The following CACNA1D variants were observed in gnomAD, a reference collection of about 807,000 sequenced individuals.
CACNA1D encodes the protein calcium voltage-gated channel subunit alpha1 D.
In CACNA1D, 55 loss-of-function variants were observed where a neutral mutation model predicts 257.1. The ratio of observed to expected loss-of-function variants is 0.21; its 90% confidence interval spans 0.17 to 0.27. The LOEUF (loss-of-function observed/expected upper bound fraction) is 0.27. Ranked by LOEUF, CACNA1D falls within the 10% of genes least tolerant of loss-of-function variation. The pLI is 1.00. For missense variants in CACNA1D, 1,876 were observed against 2,784.0 expected, an observed-to-expected ratio of 0.67 and a Z score of 7.34; for synonymous variants, 980 against 1,014.9, an observed-to-expected ratio of 0.97 and a Z score of 0.65.
At chr3:53,706,298 AGTGG>A (rs1200127589) in intron 9 of CACNA1D, among the ~76,000 whole-genome samples, 1 of 152,194 alleles carries the variant, frequency 6.6e-6, no homozygotes, top group East Asian at 1.9e-4. Flanking sequence ...GATGAGCAGA[AGTGG>A]GTGTAGGAAG....
At chr3:53,744,627 C>T in intron 22 of CACNA1D, 113 bp from the exon 23 acceptor site, 1 of 777,642 alleles carries the variant, frequency 1.3e-6, no homozygotes. Context: ...CACATGGATC[C>T]CACGCTAACT....
intron 8 of CACNA1D, among the ~76,000 whole-genome samples, chr3:53,677,983 T>C (rs2094392822): frequency 2.0e-5 from 3 of 152,188 alleles, no homozygotes; most frequent in African/African-American, 7.2e-5. Context: ...CTTGGCCTAT[T>C]GAAATTATGA....
At chr3:53,596,548 A>G (rs2093372780) in intron 3 of CACNA1D, among the ~76,000 whole-genome samples, 1 of 152,172 alleles carries the variant, frequency 6.6e-6, no homozygotes. Flanking sequence ...TGGAAAGATT[A>G]CTCTGGATTT....
At position 53,639,801 on chromosome 3, in the gene CACNA1D, G is replaced by C. The variant is rs144359188; in HGVS notation, c.484-10978G>C. Among the ~76,000 whole-genome samples the C allele has an allele frequency of 4.3e-3, 653 of 150,906 alleles. 7 individuals are homozygous for C. Among genetic ancestry groups the C allele is most frequent in the African/African-American group, 0.015 (629 of 41,128 alleles). ...TGACTGCTTTCTTGTCAAAATGAAA[G>C]TGTTCAGTTTTAAACTTAACCAGTT... On this transcript the variant is annotated intron_variant, in intron 3 of 47. Transcript: ENST00000350061.
intron 3 of CACNA1D, among the ~76,000 whole-genome samples, chr3:53,505,060 A>G (rs1025061782): frequency 2.0e-5 from 3 of 148,732 alleles, no homozygotes; most frequent in African/African-American, 7.5e-5. Context: ...ATGTCTCTCT[A>G]TCCCCTTATC....
chr3:53,514,455 G>T (rs1446660417), intron 3 of CACNA1D, among the ~76,000 whole-genome samples: 1 of 152,104 alleles, frequency 6.6e-6, no homozygotes, highest in East Asian at 1.9e-4. Context: ...ACCAAGGTCT[G>T]GGGACTGGCA....
intron 3 of CACNA1D, among the ~76,000 whole-genome samples, chr3:53,591,958 T>C (rs1439156535): frequency 6.6e-6 from 1 of 151,704 alleles, no homozygotes; most frequent in Non-Finnish European, 1.5e-5. Flanking sequence ...CCCCTTTCTT[T>C]TCTTTCCCTG....
At position 53,723,952 on chromosome 3, in the gene CACNA1D, C is replaced by A; in HGVS notation, c.2053C>A (p.Arg685=). The change falls in exon 14 of 48, where the codon CGG becomes AGG. Residue 685 remains arginine, a synonymous_variant. Coordinates refer to ENST00000350061, the MANE Select transcript of CACNA1D (RefSeq NM_001128840.3). This position sits in a 1 kb window ranked among gnomAD's most constrained non-coding sequence, Gnocchi z 5.6. The part of the protein sequence containing the change: ...KFNFDETQTK[R]STFDNFPQAL... Reference sequence around the variant, plus strand: ...TAATTTTGATGAAACGCAAACCAAGCGGAGCACCTTTGACAATTTCCCTCA... The same window carrying A: ...TAATTTTGATGAAACGCAAACCAAGAGGAGCACCTTTGACAATTTCCCTCA... 6.2e-7 allele frequency: 1 copy of A among 1,614,166 alleles called. No individual in the cohort carries two copies. Among genetic ancestry groups the A allele is most frequent in the Middle Eastern group, 1.6e-4 (1 of 6,062 alleles).
intron 30 of CACNA1D, chr3:53,766,145 T>C (rs1193803198): frequency 6.6e-6 from 1 of 152,222 alleles, no homozygotes; most frequent in African/African-American, 2.4e-5. Context: ...AAAAAGTCAT[T>C]AGGGAGCTCA....
intron 3 of CACNA1D, among the ~76,000 whole-genome samples, chr3:53,637,722 A>G (rs959329108): frequency 2.0e-5 from 3 of 152,162 alleles, no homozygotes; most frequent in Admixed American, 6.5e-5. Flanking sequence ...TGCAAGTGAC[A>G]TGGGTTTCTT....
intron 39 of CACNA1D, 122 bp from the exon 40 acceptor site, chr3:53,786,700 T>C: frequency 1.2e-6 from 1 of 829,640 alleles, no homozygotes. Context: ...CTCGGTGCCT[T>C]CTGCGCCGGA....
chr3:53,650,119 C>T (rs778149776), intron 3 of CACNA1D, among the ~76,000 whole-genome samples: 2 of 152,204 alleles, frequency 1.3e-5, no homozygotes, highest in Non-Finnish European at 2.9e-5. Flanking sequence ...TGCATGATGA[C>T]CTGTCACAAG....
chr3:53,678,512 T>G lies in CACNA1D; in HGVS notation c.1220+5386T>G, dbSNP rs112221837. On this transcript the variant is annotated intron_variant, in intron 8 of 47. Coordinates refer to ENST00000350061, the MANE Select transcript of CACNA1D (RefSeq NM_001128840.3). ...TTTTGTATTACTATAGGCCTATTTA[T>G]CTTTAGAAGTTTAAGGGAACATGGA... is the stretch of plus-strand genomic sequence containing the variant. Among the ~76,000 whole-genome samples the G allele has an allele frequency of 2.8e-3, 431 of 152,328 alleles. 2 individuals carry two copies. Among genetic ancestry groups the G allele is most frequent in the African/African-American group, 9.8e-3 (409 of 41,568 alleles).
intron 9 of CACNA1D, among the ~76,000 whole-genome samples, chr3:53,710,810 A>C (rs1476441094): frequency 6.6e-6 from 1 of 152,230 alleles, no homozygotes. Flanking sequence ...TAAACCGTTT[A>C]GAAATTCCAA....
At chr3:53,619,207 T>G (rs928299435) in intron 3 of CACNA1D, among the ~76,000 whole-genome samples, 4 of 152,330 alleles carry the variant, frequency 2.6e-5, no homozygotes, top group Admixed American at 2.0e-4. Context: ...TGCCCAGGGC[T>G]TTCCATGGAC....
intron 20 of CACNA1D, among the ~76,000 whole-genome samples, chr3:53,739,353 A>G (rs2095091679): frequency 1.3e-5 from 2 of 152,212 alleles, no homozygotes; most frequent in African/African-American, 4.8e-5. Flanking sequence ...TGTCATGAAG[A>G]TCAGTGGCCA....
chr3:53,772,963 T>A, intron 33 of CACNA1D, 65 bp downstream of exon 33: 1 of 1,310,654 alleles, frequency 7.6e-7, no homozygotes, highest in South Asian at 1.2e-5. Flanking sequence ...TGTGGCAAGA[T>A]GTACCCTGAC....
intron 40 of CACNA1D, chr3:53,791,273 T>A (rs899952177): frequency 4.0e-6 from 2 of 493,990 alleles, no homozygotes; most frequent in Admixed American, 3.5e-5. Flanking sequence ...AAAGGGAACG[T>A]ACAAAGCTTA....
chr3:53,725,018 G>A (rs879305940), intron 14 of CACNA1D, among the ~76,000 whole-genome samples: 2 of 55,446 alleles, frequency 3.6e-5, no homozygotes, highest in Non-Finnish European at 7.9e-5. Context: ...TTTTTTTTTT[G>A]GTAATGCATG....
Sources: gnomAD v4.1 joint callset for allele counts (sites outside exome capture counted in the v4.1 genomes callset) on GRCh38, gnomAD v4.1.1 for gene constraint, Gnocchi (gnomAD v3.1) non-coding constraint, MANE v1.5 for transcripts, NCBI Gene and HGNC (gene_info 2026-07-23, HGNC 2026-07-21) for gene names.